Variants in TNNI3K observed in about 807,000 individuals in gnomAD.
TNNI3K encodes the protein serine/threonine-protein kinase TNNI3K.
TNNI3K carries 140 observed loss-of-function variants against 114.5 expected under a neutral mutation model. That is an observed-to-expected ratio of 1.22 (90% confidence interval 1.07 to 1.41). The LOEUF (loss-of-function observed/expected upper bound fraction) is 1.41, where lower values mean the gene tolerates loss of function less well. Ranked by LOEUF, TNNI3K falls within the 40% of genes most tolerant of loss-of-function variation. The pLI is 0.00. For missense variants in TNNI3K, 1,125 were observed against 1,007.6 expected, an observed-to-expected ratio of 1.12 and a Z score of -1.58; for synonymous variants, 347 against 347.5, an observed-to-expected ratio of 1.00 and a Z score of 0.02.
intron 5 of TNNI3K, among the ~76,000 whole-genome samples, chr1:74,321,677 T>C (rs916684935): frequency 6.6e-6 from 1 of 152,030 alleles, no homozygotes; most frequent in Non-Finnish European, 1.5e-5. Context: ...TTCCTTTTAA[T>C]TTCTTTTATG....
chr1:74,426,770 T>C (rs1311940690), intron 17 of TNNI3K, among the ~76,000 whole-genome samples: 1 of 152,032 alleles, frequency 6.6e-6, no homozygotes, highest in Non-Finnish European at 1.5e-5. Context: ...AGAGTTATTC[T>C]TGGATCTGGT....
chr1:74,396,670 A>G (rs1017692794), intron 17 of TNNI3K, among the ~76,000 whole-genome samples: 1 of 152,196 alleles, frequency 6.6e-6, no homozygotes, highest in Non-Finnish European at 1.5e-5. Context: ...TGGGATAATA[A>G]TGACCCCAGG....
intron 5 of TNNI3K, among the ~76,000 whole-genome samples, chr1:74,304,243 A>C (rs1658492145): frequency 6.6e-6 from 1 of 152,166 alleles, no homozygotes; most frequent in African/African-American, 2.4e-5. Context: ...TCTTTCATGA[A>C]AGAAAGAGTC....
chr1:74,349,108 A>G (rs556604187), intron 9 of TNNI3K, among the ~76,000 whole-genome samples: 19 of 152,286 alleles, frequency 1.2e-4, no homozygotes, highest in African/African-American at 4.3e-4. Flanking sequence ...GTTTTTGCCC[A>G]TTCAGTATGA....
intron 21 of TNNI3K, among the ~76,000 whole-genome samples, chr1:74,466,463 T>C (rs1012642179): frequency 2.6e-5 from 4 of 152,058 alleles, no homozygotes; most frequent in Non-Finnish European, 4.4e-5. Context: ...GGCCAAAGGA[T>C]ACTGTTAAAA....
intron 24 of TNNI3K, chr1:74,541,595 A>T (rs187945632): frequency 6.6e-6 from 1 of 152,222 alleles, no homozygotes; most frequent in African/African-American, 2.4e-5. Context: ...TTTGACCAGA[A>T]GTCTTCCCTT....
At chr1:74,455,760 A>G (rs960821949) in intron 20 of TNNI3K, among the ~76,000 whole-genome samples, 2 of 152,032 alleles carry the variant, frequency 1.3e-5, no homozygotes, top group African/African-American at 4.8e-5. Context: ...GAGCTAATTC[A>G]CCCTTCCTCT....
chr1:74,292,371 T>A (rs1392191528), intron 5 of TNNI3K, among the ~76,000 whole-genome samples: 1 of 151,616 alleles, frequency 6.6e-6, no homozygotes, highest in Non-Finnish European at 1.5e-5. Context: ...TACACATTTG[T>A]AAGTTCTGTT....
chr1:74,473,846 CAAAGAT>C (rs1261812229), intron 21 of TNNI3K, among the ~76,000 whole-genome samples: 2 of 152,182 alleles, frequency 1.3e-5, no homozygotes, highest in Non-Finnish European at 2.9e-5. Context: ...TTCTGTGACT[CAAAGAT>C]AAACATTAAG....
At chr1:74,503,749 T>C (rs1669752920) in intron 23 of TNNI3K, among the ~76,000 whole-genome samples, 1 of 152,230 alleles carries the variant, frequency 6.6e-6, no homozygotes, top group Non-Finnish European at 1.5e-5. Flanking sequence ...CAGTTGCCTT[T>C]TATCTCTTTC....
intron 5 of TNNI3K, among the ~76,000 whole-genome samples, chr1:74,325,103 T>C (rs958855903): frequency 1.3e-5 from 2 of 152,174 alleles, no homozygotes; most frequent in African/African-American, 4.8e-5. Flanking sequence ...TAAACAGGCT[T>C]GTTTATTTAT....
chr1:74,510,757 T>G (rs1670147519), intron 23 of TNNI3K, among the ~76,000 whole-genome samples: 1 of 152,236 alleles, frequency 6.6e-6, no homozygotes, highest in South Asian at 2.1e-4. Flanking sequence ...ATGGAATTAA[T>G]CAACTAGCTC....
At chr1:74,275,135 A>G (rs894731049) in intron 5 of TNNI3K, among the ~76,000 whole-genome samples, 2 of 152,070 alleles carry the variant, frequency 1.3e-5, no homozygotes, top group Admixed American at 1.3e-4. Flanking sequence ...TAGAGATTGT[A>G]TTAGTCCATT....
chr1:74,375,749 C>T (rs554504471), intron 17 of TNNI3K: 32 of 363,402 alleles, frequency 8.8e-5, no homozygotes, highest in Middle Eastern at 1.9e-3. Context: ...TCCTTAAAAC[C>T]CCCATCCTCA....
chr1:74,468,864 C>A (rs1276239388), intron 21 of TNNI3K: 1 of 151,858 alleles, frequency 6.6e-6, no homozygotes, highest in African/African-American at 2.4e-5. Flanking sequence ...TTACAGTGGT[C>A]TCAATAATTA....
intron 16 of TNNI3K, 91 bp downstream of exon 16, chr1:74,369,676 A>G: frequency 7.2e-7 from 1 of 1,381,108 alleles, no homozygotes. Context: ...ATGAGCCTTC[A>G]CCTTTTGAAA....
intron 9 of TNNI3K, among the ~76,000 whole-genome samples, chr1:74,344,847 T>C (rs1660917191): frequency 6.6e-6 from 1 of 152,176 alleles, no homozygotes; most frequent in South Asian, 2.1e-4. Context: ...ATATTCATTT[T>C]AAGCAAATAT....
At chr1:74,464,895 T>C (rs1206404421) in intron 21 of TNNI3K, 3 of 1,301,334 alleles carry the variant, frequency 2.3e-6, no homozygotes, top group African/African-American at 3.0e-5. Flanking sequence ...TGCTTAAGAA[T>C]GTTTGTTGAG....
At chr1:74,425,300 A>G (rs532103626) in intron 17 of TNNI3K, among the ~76,000 whole-genome samples, 2 of 152,234 alleles carry the variant, frequency 1.3e-5, no homozygotes, top group Admixed American at 1.3e-4. Flanking sequence ...CCAAATAAAT[A>G]TTTCATAAAT....
Sources: gnomAD v4.1 joint callset for allele counts (sites outside exome capture counted in the v4.1 genomes callset) on GRCh38, gnomAD v4.1.1 for gene constraint, MANE v1.5 for transcripts, NCBI Gene and HGNC (gene_info 2026-07-23, HGNC 2026-07-21) for gene names.